AKAP6: variants seen among roughly 807,000 people sequenced by gnomAD.
The protein encoded by AKAP6 is A-kinase anchoring protein 6, also known as A-kinase anchor protein 6.
In AKAP6, 58 loss-of-function variants were observed where a neutral mutation model predicts 188.5. The observed-to-expected ratio is 0.31, with a 90% confidence interval of 0.25 to 0.38. The LOEUF (loss-of-function observed/expected upper bound fraction) is 0.38, where lower values mean the gene tolerates loss of function less well. AKAP6 is among the 10% of genes least tolerant of loss of function. The pLI is 1.00. For missense variants in AKAP6, 2,710 were observed against 2,740.0 expected (o/e 0.99, Z 0.24); for synonymous variants, 989 against 998.6 (o/e 0.99, Z 0.18).
chr14:32,341,815 G>A (rs532096495), intron 1 of AKAP6, among the ~76,000 whole-genome samples: 73 of 152,186 alleles, frequency 4.8e-4, no homozygotes, highest in African/African-American at 1.8e-3. Flanking sequence ...GAGTACAGGA[G>A]TTCGAGACCA....
At chr14:32,562,511 A>G (rs1883998829) in intron 4 of AKAP6, among the ~76,000 whole-genome samples, 1 of 152,188 alleles carries the variant, frequency 6.6e-6, no homozygotes, top group African/African-American at 2.4e-5. Context: ...TAATCTCAGC[A>G]CTTTGGGAAG....
At chr14:32,452,354 T>C (rs1890970878) in intron 2 of AKAP6, among the ~76,000 whole-genome samples, 2 of 152,206 alleles carry the variant, frequency 1.3e-5, no homozygotes, top group Admixed American at 6.5e-5. Context: ...TTTTTAACGC[T>C]GCATATTAAT....
chr14:32,828,022 A>G (rs1415831623), intron 13 of AKAP6, among the ~76,000 whole-genome samples: 1 of 152,148 alleles, frequency 6.6e-6, no homozygotes, highest in Non-Finnish European at 1.5e-5. Flanking sequence ...ATTTACTTAC[A>G]GTGCATATAT....
chr14:32,628,726 A>G (rs185420104), intron 7 of AKAP6, among the ~76,000 whole-genome samples: 1 of 151,824 alleles, frequency 6.6e-6, no homozygotes, highest in Admixed American at 6.6e-5. Flanking sequence ...CTGCAACTCA[A>G]TGGAAATAGA....
At chr14:32,529,087 T>C (rs989134733) in intron 2 of AKAP6, among the ~76,000 whole-genome samples, 1 of 152,232 alleles carries the variant, frequency 6.6e-6, no homozygotes, top group Non-Finnish European at 1.5e-5. Context: ...CTTGATAATA[T>C]TGAGTCTTCC....
intron 9 of AKAP6, among the ~76,000 whole-genome samples, chr14:32,713,199 A>T (rs1447959717): frequency 6.6e-6 from 1 of 152,008 alleles, no homozygotes; most frequent in Non-Finnish European, 1.5e-5. Flanking sequence ...AGGTCCCCAC[A>T]ATGGGCTTAA....
At chr14:32,344,824 G>A (rs1887011256) in intron 1 of AKAP6, among the ~76,000 whole-genome samples, 1 of 151,380 alleles carries the variant, frequency 6.6e-6, no homozygotes, top group Non-Finnish European at 1.5e-5. Flanking sequence ...GCTGAGGCAT[G>A]GGAATCTCTT....
At chr14:32,723,253 C>T (rs1051905629) in intron 9 of AKAP6, among the ~76,000 whole-genome samples, 1 of 152,136 alleles carries the variant, frequency 6.6e-6, no homozygotes, top group African/African-American at 2.4e-5. Context: ...GCCTTGTTAC[C>T]TCCATTCTTT....
intron 2 of AKAP6, among the ~76,000 whole-genome samples, chr14:32,523,182 T>TC (rs1881939613): frequency 2.0e-5 from 1 of 49,018 alleles, no homozygotes; most frequent in South Asian, 7.8e-4. Context: ...TGTCTTGGGG[T>TC]GGGGGAAGGG....
intron 9 of AKAP6, among the ~76,000 whole-genome samples, chr14:32,708,884 A>G (rs1241447222): frequency 6.6e-6 from 1 of 151,924 alleles, no homozygotes; most frequent in Non-Finnish European, 1.5e-5. Flanking sequence ...TCCTGTCTGT[A>G]TGATTTTTCC....
chr14:32,542,891 G>T (rs1471004160), intron 3 of AKAP6, among the ~76,000 whole-genome samples: 1 of 152,204 alleles, frequency 6.6e-6, no homozygotes, highest in Non-Finnish European at 1.5e-5. Flanking sequence ...TTGCATTGAA[G>T]TGTGTCATTT....
At chr14:32,608,914 CA>C (rs1046818537) in intron 7 of AKAP6, among the ~76,000 whole-genome samples, 9 of 151,216 alleles carry the variant, frequency 6.0e-5, no homozygotes, top group Admixed American at 1.3e-4. Flanking sequence ...TATTTAAGCA[CA>C]AAAAAAGAAG....
intron 1 of AKAP6, among the ~76,000 whole-genome samples, chr14:32,399,669 G>A (rs1185546825): frequency 2.6e-5 from 4 of 152,160 alleles, no homozygotes; most frequent in African/African-American, 9.7e-5. Flanking sequence ...CTGATTTCTT[G>A]TTGAGGTCAT....
At position 32,568,328 on chromosome 14, in the gene AKAP6, A is replaced by G. The variant is rs550417988; in HGVS notation, c.2347-8792A>G. Reference sequence around the variant, plus strand: ...TTAATAGCTATAGGACCTTAAATAAATTACATAACTTCTCTATGCCTTAGC... The same window carrying G: ...TTAATAGCTATAGGACCTTAAATAAGTTACATAACTTCTCTATGCCTTAGC... On this transcript the variant is annotated intron_variant, in intron 4 of 13. Coordinates refer to ENST00000280979, the MANE Select transcript of AKAP6 (RefSeq NM_004274.5). This position sits in a 1 kb window ranked among gnomAD's most constrained non-coding sequence, Gnocchi z 6.2. 9.2e-5 allele frequency among the ~76,000 whole-genome samples: 14 copies of G among 152,302 alleles called. No individual in the cohort carries two copies. The South Asian group carries it at 2.9e-3, about 32-fold the overall frequency.
At chr14:32,667,433 T>C (rs1888991738) in intron 7 of AKAP6, among the ~76,000 whole-genome samples, 1 of 152,054 alleles carries the variant, frequency 6.6e-6, no homozygotes, top group African/African-American at 2.4e-5. Context: ...TCAGGAACTT[T>C]CTGGAGGGTA....
At chr14:32,561,812 A>G (rs1477716743) in intron 4 of AKAP6, among the ~76,000 whole-genome samples, 1 of 152,242 alleles carries the variant, frequency 6.6e-6, no homozygotes, top group African/African-American at 2.4e-5. Context: ...ATTTATGGCA[A>G]ATAAGGTCAG....
At chr14:32,595,063 C>A (rs1017136523) in intron 5 of AKAP6, among the ~76,000 whole-genome samples, 20 of 152,140 alleles carry the variant, frequency 1.3e-4, no homozygotes, top group South Asian at 2.1e-4. Context: ...GAAAAGCATA[C>A]CTTTTTTAAT....
chr14:32,487,090 A>G (rs1253677152), intron 2 of AKAP6, among the ~76,000 whole-genome samples: 1 of 152,162 alleles, frequency 6.6e-6, no homozygotes, highest in Non-Finnish European at 1.5e-5. Flanking sequence ...GGTTTTTGTC[A>G]TTGGTTCTGT....
intron 1 of AKAP6, among the ~76,000 whole-genome samples, chr14:32,395,152 A>G (rs1485732645): frequency 6.6e-6 from 1 of 152,104 alleles, no homozygotes; most frequent in Non-Finnish European, 1.5e-5. Context: ...GTTCAGTTCC[A>G]AGCAGGCTAA....
Sources: gnomAD v4.1 joint callset for allele counts (sites outside exome capture counted in the v4.1 genomes callset) on GRCh38, gnomAD v4.1.1 for gene constraint, Gnocchi (gnomAD v3.1) non-coding constraint, MANE v1.5 for transcripts, NCBI Gene and HGNC (gene_info 2026-07-23, HGNC 2026-07-21) for gene names.